CENPL: variants seen among roughly 807,000 people sequenced by gnomAD.
CENPL encodes centromere protein L, also known as interphase centromere complex protein 33.
In CENPL, 20 loss-of-function variants were observed where a neutral mutation model predicts 35.2. That is an observed-to-expected ratio of 0.57 (90% CI 0.40 to 0.83). The LOEUF is 0.83. Ranked by LOEUF, CENPL falls within the 40% of genes least tolerant of loss-of-function variation. CENPL has a pLI of 0.00. For synonymous variants in CENPL, 140 were observed against 140.6 expected, an observed-to-expected ratio of 1.00 and a Z score of 0.03; for missense variants, 363 against 395.8, an observed-to-expected ratio of 0.92 and a Z score of 0.70.
rs190947667 is a variant in CENPL at position 173,820,789 on chromosome 1, A to G, written c.-8+3137T>C. Among the ~76,000 whole-genome samples, 7 of 152,340 alleles carry G rather than the reference A, an allele frequency of 4.6e-5. No homozygotes were observed. The East Asian group carries it at 7.7e-4, about 17-fold the overall frequency. On this transcript the variant is annotated intron_variant, in intron 2 of 5. Coordinates refer to ENST00000682279, the MANE Select transcript of CENPL (RefSeq NM_001387287.1). Reference sequence around the variant, plus strand: ...CAACTTGGATGTTAAAGCCAATCCAAAAAGGTCACATATAAAATTTCATAC... The same window carrying G: ...CAACTTGGATGTTAAAGCCAATCCAGAAAGGTCACATATAAAATTTCATAC...
At chr1:173,815,423 T>A (rs900385677) in intron 2 of CENPL, among the ~76,000 whole-genome samples, 18 of 152,266 alleles carry the variant, frequency 1.2e-4, no homozygotes, top group African/African-American at 4.3e-4. Context: ...TGAACATGGA[T>A]GCAAAAATCC....
At chr1:173,802,259 G>A (rs1157873028) in intron 5 of CENPL, among the ~76,000 whole-genome samples, 1 of 151,744 alleles carries the variant, frequency 6.6e-6, no homozygotes, top group Non-Finnish European at 1.5e-5. Context: ...AGGCTGGAGT[G>A]CAGTGGCGCG....
intron 2 of CENPL, among the ~76,000 whole-genome samples, chr1:173,814,797 T>G (rs1008539949): frequency 6.6e-6 from 1 of 151,856 alleles, no homozygotes; most frequent in South Asian, 2.1e-4. Context: ...AGCAAACAAA[T>G]TCAAAAGCTA....
At chr1:173,812,328 T>A (rs1222089461) in intron 2 of CENPL, among the ~76,000 whole-genome samples, 2 of 152,240 alleles carry the variant, frequency 1.3e-5, no homozygotes, top group Non-Finnish European at 2.9e-5. Context: ...TCTCCCAGCA[T>A]GGCATTTGAG....
chr1:173,809,275 G>A (rs180718690), intron 3 of CENPL, among the ~76,000 whole-genome samples: 73 of 151,374 alleles, frequency 4.8e-4, no homozygotes, highest in Admixed American at 2.2e-3. Flanking sequence ...CCCAGGAGGC[G>A]GAGGTTGCAG....
intron 2 of CENPL, among the ~76,000 whole-genome samples, chr1:173,820,434 T>C (rs1401391962): frequency 6.6e-6 from 1 of 152,024 alleles, no homozygotes; most frequent in Non-Finnish European, 1.5e-5. Flanking sequence ...GAGGAGTGCT[T>C]GAGCCCAGGA....
chr1:173,813,981 G>A (rs2102595625), intron 2 of CENPL, among the ~76,000 whole-genome samples: 1 of 152,180 alleles, frequency 6.6e-6, no homozygotes, highest in East Asian at 1.9e-4. Flanking sequence ...GATAGAGGAA[G>A]ATCTACCAAG....
rs556277040 is a variant in CENPL, at chr1:173,812,421, C to T, written c.-7-1115G>A. ...TTGGGAGACACCTCCCAGTAGGGGC[C>T]GACTGACACCTCACACAGGCAGGTG... On this transcript the variant is annotated intron_variant, in intron 2 of 5. Coordinates refer to ENST00000682279, the MANE Select transcript of CENPL (RefSeq NM_001387287.1). Among the ~76,000 whole-genome samples, 5 of 152,278 alleles carry T rather than the reference C, an allele frequency of 3.3e-5. No homozygotes were observed. In the South Asian group the frequency reaches 6.2e-4, roughly 19 times the overall value.
chr1:173,822,092 C>CT (rs1652008282), intron 2 of CENPL: 1 of 152,144 alleles, frequency 6.6e-6, no homozygotes, highest in Non-Finnish European at 1.5e-5. Context: ...CGTCTCATTC[C>CT]TTCTGAGACC....
intron 4 of CENPL, 95 bp from the exon 5 acceptor site, chr1:173,803,600 C>A: frequency 1.8e-6 from 2 of 1,093,134 alleles, no homozygotes; most frequent in Non-Finnish European, 1.3e-6. Flanking sequence ...TAAGACGAGC[C>A]AATGTAATAC....
intron 2 of CENPL, among the ~76,000 whole-genome samples, chr1:173,811,956 C>G (rs573814357): frequency 6.6e-6 from 1 of 152,346 alleles, no homozygotes; most frequent in East Asian, 1.9e-4. Context: ...TGGGACACTC[C>G]CACCCAAATA....
In CENPL at chr1:173,803,172, T is replaced by C. The variant is rs1213435781; in HGVS notation, c.754A>G (p.Ile252Val). 4.3e-6 allele frequency: 7 copies of C among 1,613,914 alleles called. No individual in the cohort carries two copies. The Admixed American group carries it at 6.7e-5, about 15-fold the overall frequency. Residue 252 changes from isoleucine to valine, a missense_variant, in exon 5 of 6, where the codon ATT (isoleucine) becomes GTT (valine). Ile to Val is a conservative substitution (Grantham distance 29, BLOSUM62 3). Transcript: ENST00000682279. The stretch of plus-strand genomic sequence containing the variant: ...TCCTCTGGATGTATTGCGAAAGAAA[T>C]GTCCAGACTTTGAGGGCTACAGGGT... ...SVPCSPQSLD[I>V]SFAIHPEDAK...
chr1:173,823,378 T>A (rs1050250235), intron 2 of CENPL: 1 of 149,430 alleles, frequency 6.7e-6, no homozygotes, highest in African/African-American at 2.4e-5. Flanking sequence ...CTGCATACAC[T>A]TCCTCTAAGG....
intron 4 of CENPL, among the ~76,000 whole-genome samples, chr1:173,804,506 G>C (rs1164729075): frequency 6.6e-6 from 1 of 152,120 alleles, no homozygotes; most frequent in Non-Finnish European, 1.5e-5. Context: ...GAAGGAAGGG[G>C]GAAAAAGGTC....
chr1:173,815,942 T>C (rs1272439004), intron 2 of CENPL, among the ~76,000 whole-genome samples: 1 of 152,114 alleles, frequency 6.6e-6, no homozygotes, highest in Non-Finnish European at 1.5e-5. Context: ...AAAACCCCAT[T>C]GTCTCAGCCC....
At chr1:173,800,679 G>A (rs1476330356) in intron 5 of CENPL, among the ~76,000 whole-genome samples, 160 bp from the exon 6 acceptor site, 5 of 152,204 alleles carry the variant, frequency 3.3e-5, no homozygotes, top group Admixed American at 6.5e-5. Flanking sequence ...CAGGCACAGT[G>A]ATTTATCCCT....
intron 2 of CENPL, among the ~76,000 whole-genome samples, chr1:173,820,064 T>G (rs998481514): frequency 2.0e-5 from 3 of 152,108 alleles, no homozygotes; most frequent in African/African-American, 7.2e-5. Context: ...CCAAAATGCT[T>G]GGGATCAAAA....
At chr1:173,812,973 A>T (rs1650988129) in intron 2 of CENPL, among the ~76,000 whole-genome samples, 1 of 152,226 alleles carries the variant, frequency 6.6e-6, no homozygotes, top group Non-Finnish European at 1.5e-5. Flanking sequence ...TGTAGAGAAG[A>T]ACTTAAATGA....
intron 4 of CENPL, 61 bp from the exon 5 acceptor site, chr1:173,803,566 T>C: frequency 7.0e-7 from 1 of 1,434,090 alleles, no homozygotes; most frequent in South Asian, 1.5e-5. Context: ...AAATTCCATC[T>C]TCTCAAAATT....
Sources: allele counts gnomAD v4.1 joint callset (sites outside exome capture counted in the v4.1 genomes callset), GRCh38; gene constraint gnomAD v4.1.1; transcripts MANE v1.5; gene names NCBI Gene and HGNC (gene_info 2026-07-23, HGNC 2026-07-21).